EYS: variants seen among roughly 807,000 people sequenced by gnomAD.
The protein encoded by EYS is protein eyes shut homolog.
A neutral mutation model predicts 282.1 loss-of-function variants in EYS; 250 were observed. The ratio of observed to expected loss-of-function variants is 0.89; its 90% CI spans 0.80 to 0.98. The LOEUF (loss-of-function observed/expected upper bound fraction) is 0.98. Among genes scored for constraint, EYS ranks in the 50% least tolerant of loss-of-function variants. The probability of loss-of-function intolerance (pLI) is 0.00; values close to 1 mark genes in which losing one functional copy is unlikely to be tolerated. For synonymous variants in EYS, 1,355 were observed against 1,282.9 expected (o/e 1.06, Z -1.20); for missense variants, 4,016 against 3,709.0 (o/e 1.08, Z -2.15).
At chr6:64,652,011 G>A (rs113653152) in intron 22 of EYS, among the ~76,000 whole-genome samples, 26 of 152,302 alleles carry the variant, frequency 1.7e-4, no homozygotes, top group African/African-American at 6.3e-4. Context: ...GTGAAAATTA[G>A]ACTTTAACAA....
chr6:65,664,556 G>C (rs1768135762), intron 1 of EYS, among the ~76,000 whole-genome samples: 2 of 152,100 alleles, frequency 1.3e-5, no homozygotes, highest in Admixed American at 1.3e-4. Flanking sequence ...ATAGAGAAAA[G>C]AAGACAATGG....
At chr6:64,619,291 C>G (rs557780667) in intron 23 of EYS, among the ~76,000 whole-genome samples, 1 of 152,056 alleles carries the variant, frequency 6.6e-6, no homozygotes, top group African/African-American at 2.4e-5. Flanking sequence ...CTGTGAAGAA[C>G]ATGATAAAGC....
At chr6:65,351,693 G>A (rs1168835472) in intron 9 of EYS, among the ~76,000 whole-genome samples, 2 of 151,720 alleles carry the variant, frequency 1.3e-5, no homozygotes, top group African/African-American at 4.8e-5. Flanking sequence ...GTGCAAAAAC[G>A]ATGCAAGCAC....
chr6:64,450,277 G>A (rs1775278854), intron 26 of EYS, among the ~76,000 whole-genome samples: 1 of 152,072 alleles, frequency 6.6e-6, no homozygotes, highest in South Asian at 2.1e-4. Context: ...TTACATAATG[G>A]TAAAGGGATC....
intron 12 of EYS, among the ~76,000 whole-genome samples, chr6:65,086,302 T>C (rs1774370987): frequency 6.6e-6 from 1 of 151,736 alleles, no homozygotes; most frequent in African/African-American, 2.4e-5. Flanking sequence ...AGCGTCAGAG[T>C]GAGACTCCAT....
At chr6:65,581,977 G>A (rs1215552875) in intron 2 of EYS, among the ~76,000 whole-genome samples, 1 of 151,472 alleles carries the variant, frequency 6.6e-6, no homozygotes, top group Non-Finnish European at 1.5e-5. Context: ...ATCATGAGGT[G>A]AGGAGTTTGA....
intron 13 of EYS, among the ~76,000 whole-genome samples, chr6:65,031,167 A>C (rs1327418697): frequency 1.5e-5 from 2 of 137,436 alleles, no homozygotes; most frequent in Non-Finnish European, 3.1e-5. Flanking sequence ...ATACACACAC[A>C]CGCACATACA....
intron 26 of EYS, among the ~76,000 whole-genome samples, chr6:64,556,226 C>A (rs941474890): frequency 6.6e-6 from 1 of 151,824 alleles, no homozygotes; most frequent in Non-Finnish European, 1.5e-5. Flanking sequence ...AGAACTGAAA[C>A]TAAATTTTTA....
chr6:64,132,649 C>A (rs937177690), intron 31 of EYS, among the ~76,000 whole-genome samples: 2 of 151,756 alleles, frequency 1.3e-5, no homozygotes, highest in Admixed American at 6.6e-5. Flanking sequence ...CACAACCCAG[C>A]CTTAGCCTCT....
In EYS at chr6:65,152,501, G is replaced by C. The variant is rs149896625; in HGVS notation, c.2024-94774C>G. Among the ~76,000 whole-genome samples the C allele has an allele frequency of 4.5e-4, 69 of 151,954 alleles. 1 individual carries two copies. Among genetic ancestry groups the C allele is most frequent in the Admixed American group, 9.9e-4 (15 of 15,208 alleles). On this transcript the variant is annotated intron_variant, in intron 12 of 42. Coordinates refer to ENST00000503581, the MANE Select transcript of EYS (RefSeq NM_001142800.2). The stretch of plus-strand genomic sequence containing the variant: ...CAGACCAGGGCACATGCACAGAAGG[G>C]CAATCAGGTAAAGAGCCAGAAAGAG...
chr6:64,968,186 T>C (rs1052306866), intron 14 of EYS, among the ~76,000 whole-genome samples: 8 of 152,116 alleles, frequency 5.3e-5, no homozygotes, highest in African/African-American at 1.9e-4. Context: ...TTAAAATAAA[T>C]ATGGGTATTT....
At chr6:64,347,570 T>C (rs1387551867) in intron 29 of EYS, among the ~76,000 whole-genome samples, 1 of 140,462 alleles carries the variant, frequency 7.1e-6, no homozygotes, top group African/African-American at 2.7e-5. Flanking sequence ...TATCTACTTA[T>C]GCATATGTTT....
chr6:65,346,126 G>A (rs959482145), intron 9 of EYS, among the ~76,000 whole-genome samples: 1 of 151,656 alleles, frequency 6.6e-6, no homozygotes, highest in African/African-American at 2.4e-5. Flanking sequence ...GCTCCTTGAG[G>A]GTCCCCTAGC....
At chr6:64,461,123 G>A (rs1775729686) in intron 26 of EYS, among the ~76,000 whole-genome samples, 1 of 152,152 alleles carries the variant, frequency 6.6e-6, no homozygotes, top group African/African-American at 2.4e-5. Flanking sequence ...AATGTTGGAG[G>A]TTGGAAGTTT....
At chr6:65,270,862 G>A (rs775286765) in intron 12 of EYS, among the ~76,000 whole-genome samples, 1 of 151,658 alleles carries the variant, frequency 6.6e-6, no homozygotes, top group Non-Finnish European at 1.5e-5. Context: ...CAGCCATAAT[G>A]CAGTGTTCTA....
At chr6:64,640,586 G>A (rs1768100719) in intron 22 of EYS, among the ~76,000 whole-genome samples, 2 of 151,356 alleles carry the variant, frequency 1.3e-5, no homozygotes, top group African/African-American at 2.4e-5. Flanking sequence ...GGGGGAGTGG[G>A]GAGGGATAGC....
At chr6:65,674,553 T>C (rs745327798) in intron 1 of EYS, among the ~76,000 whole-genome samples, 10 of 150,586 alleles carry the variant, frequency 6.6e-5, no homozygotes, top group East Asian at 2.0e-4. Flanking sequence ...AGCAGAAATA[T>C]TGAAGGCCAG....
chr6:64,768,925 T>C (rs1380500673), intron 22 of EYS, among the ~76,000 whole-genome samples: 1 of 152,000 alleles, frequency 6.6e-6, no homozygotes, highest in African/African-American at 2.4e-5. Context: ...TATCTTACAT[T>C]GATGATGCTG....
At chr6:65,508,269 A>G (rs1350843896) in intron 2 of EYS, among the ~76,000 whole-genome samples, 1 of 152,002 alleles carries the variant, frequency 6.6e-6, no homozygotes, top group Non-Finnish European at 1.5e-5. Flanking sequence ...TGTTGGTTTG[A>G]TGGTAACGTA....
Sources: allele counts gnomAD v4.1 joint callset (sites outside exome capture counted in the v4.1 genomes callset), GRCh38; gene constraint gnomAD v4.1.1; transcripts MANE v1.5; gene names NCBI Gene and HGNC (gene_info 2026-07-23, HGNC 2026-07-21).